Variants in KMT2C observed in about 807,000 individuals in gnomAD.
KMT2C encodes histone-lysine N-methyltransferase 2C.
Under a neutral mutation model 507.9 loss-of-function variants are expected in KMT2C, and 88 were observed. That is an observed-to-expected ratio of 0.17 (90% CI 0.15 to 0.21). KMT2C has a LOEUF of 0.21. Ranked by LOEUF, KMT2C falls within the 10% of genes least tolerant of loss-of-function variation. KMT2C has a pLI of 1.00. For synonymous variants in KMT2C, 2,049 were observed against 2,080.8 expected, an observed-to-expected ratio of 0.98 and a Z score of 0.42; for missense variants, 4,954 against 5,957.8, an observed-to-expected ratio of 0.83 and a Z score of 5.55.
intron 2 of KMT2C, among the ~76,000 whole-genome samples, chr7:152,352,155 T>C (rs1339131804): frequency 1.3e-5 from 2 of 152,100 alleles, no homozygotes; most frequent in East Asian, 3.9e-4. Flanking sequence ...CCCCCTTGGG[T>C]GCGGCTGTCT....
chr7:152,146,397 T>G (rs1203092580), intron 53 of KMT2C, among the ~76,000 whole-genome samples: 2 of 152,180 alleles, frequency 1.3e-5, no homozygotes, highest in Non-Finnish European at 2.9e-5. Context: ...CTGAAGTTGG[T>G]TAACTACCTC....
chr7:152,426,857 G>C (rs531540980), intron 1 of KMT2C, among the ~76,000 whole-genome samples: 69 of 152,298 alleles, frequency 4.5e-4, no homozygotes, highest in Middle Eastern at 3.4e-3. Context: ...ACCTAGACTT[G>C]AATCCAGAAG....
At position 152,248,349 on chromosome 7, in the gene KMT2C, T is replaced by C. The variant is rs1385129865; in HGVS notation, c.2085A>G (p.Pro695=). The change falls in exon 14 of 59, where the codon CCA becomes CCG. Residue 695 remains proline, a synonymous_variant. Transcript: ENST00000262189. The part of the protein sequence containing the change: ...PKLVMESVTL[P]LETLVSPHEE... ...CATGTGGGGACACTAAGGTTTCTAG[T>C]GGAAGAGTGACAGATTCCATGACTA... 1.2e-6 allele frequency: 2 copies of C among 1,613,848 alleles called. No homozygotes were observed. The highest frequency in any genetic ancestry group is 1.7e-6 in the Non-Finnish European group (2 of 1,179,908).
At chr7:152,412,633 CA>C (rs2097695420) in intron 1 of KMT2C, among the ~76,000 whole-genome samples, 1 of 152,032 alleles carries the variant, frequency 6.6e-6, no homozygotes, top group African/African-American at 2.4e-5. Flanking sequence ...CACCAAACAA[CA>C]GAAAAAGAAA....
intron 41 of KMT2C, 70 bp from the exon 42 acceptor site, chr7:152,167,448 A>G: frequency 9.5e-7 from 1 of 1,047,682 alleles, no homozygotes. Flanking sequence ...ACACAAATCT[A>G]TTTTGTAAGG....
intron 2 of KMT2C, among the ~76,000 whole-genome samples, chr7:152,334,054 G>T (rs2096909155): frequency 6.6e-6 from 1 of 151,922 alleles, no homozygotes; most frequent in African/African-American, 2.4e-5. Flanking sequence ...ATGTGTCACA[G>T]ATGAGAGAAA....
intron 1 of KMT2C, 140 bp from the exon 2 acceptor site, chr7:152,358,815 A>C: frequency 1.7e-6 from 1 of 580,080 alleles, no homozygotes; most frequent in Non-Finnish European, 3.0e-6. Flanking sequence ...TTACCATATC[A>C]AGTAGAAAAT....
chr7:152,398,762 C>T (rs2097552783), intron 1 of KMT2C, among the ~76,000 whole-genome samples: 1 of 152,126 alleles, frequency 6.6e-6, no homozygotes, highest in South Asian at 2.1e-4. Flanking sequence ...GTATTACATT[C>T]ATAACTTTTT....
At chr7:152,248,748 T>C (rs2095516696) in intron 13 of KMT2C, 128 bp from the exon 14 acceptor site, 3 of 609,214 alleles carry the variant, frequency 4.9e-6, no homozygotes, top group African/African-American at 1.9e-5. Context: ...CAGACAATTA[T>C]TAAGTGAATG....
chr7:152,152,079 A>G (rs562757051), intron 49 of KMT2C, among the ~76,000 whole-genome samples: 36 of 152,350 alleles, frequency 2.4e-4, no homozygotes, highest in Non-Finnish European at 4.9e-4. Context: ...GTGCAGTGTG[A>G]AGGCAAAAAG....
intron 6 of KMT2C, among the ~76,000 whole-genome samples, chr7:152,275,417 G>A (rs112230545): frequency 3.3e-5 from 5 of 152,090 alleles, no homozygotes; most frequent in Non-Finnish European, 5.9e-5. Flanking sequence ...GGTGGCGGGC[G>A]CCTGTAGTCC....
chr7:152,208,474 T>A (rs527855604), intron 23 of KMT2C, among the ~76,000 whole-genome samples: 54 of 152,356 alleles, frequency 3.5e-4, no homozygotes, highest in African/African-American at 1.3e-3. Flanking sequence ...CCTGCTAGAC[T>A]ATATTCTCCA....
At chr7:152,359,089 T>C (rs980320252) in intron 1 of KMT2C, among the ~76,000 whole-genome samples, 18 of 152,198 alleles carry the variant, frequency 1.2e-4, no homozygotes, top group South Asian at 4.1e-4. Flanking sequence ...TGACCAGATA[T>C]ATGTATTTTT....
rs1563767704 is a variant in KMT2C, at chr7:152,297,059, G to GAAAGAAAGAAAGAAAGAAAGAA, written c.849+12906_849+12907insTTCTTTCTTTCTTTCTTTCTTT. The stretch of plus-strand genomic sequence containing the variant: ...AAAGAAAGAAAGAAAGAAAGACAGA[G>GAAAGAAAGAAAGAAAGAAAGAA]AGAGAGAGAGAGAGAGAGAGAGAGA... On this transcript the variant is annotated intron_variant, in intron 6 of 58. Coordinates refer to ENST00000262189, the MANE Select transcript of KMT2C (RefSeq NM_170606.3). Among the ~76,000 whole-genome samples the GAAAGAAAGAAAGAAAGAAAGAA allele has an allele frequency of 4.4e-3, 282 of 64,412 alleles. 7 individuals are homozygous for GAAAGAAAGAAAGAAAGAAAGAA. Among genetic ancestry groups the GAAAGAAAGAAAGAAAGAAAGAA allele is most frequent in the African/African-American group, 0.015 (265 of 17,302 alleles). The allele number at this position is 64,412 out of a possible 152,430, so 42.3% of individuals were successfully genotyped here.
chr7:152,220,415 C>T (rs1291663754), intron 23 of KMT2C, 108 bp downstream of exon 23: 2 of 870,042 alleles, frequency 2.3e-6, no homozygotes, highest in African/African-American at 3.3e-5. Flanking sequence ...CAGGGGTTAA[C>T]TAAGTCAGTG....
At chr7:152,350,161 A>G (rs992794824) in intron 2 of KMT2C, among the ~76,000 whole-genome samples, 1 of 152,142 alleles carries the variant, frequency 6.6e-6, no homozygotes, top group Non-Finnish European at 1.5e-5. Context: ...GAGGCAGGAG[A>G]ATCGCTTGAA....
chr7:152,239,551 G>A (rs2095345894), intron 14 of KMT2C, among the ~76,000 whole-genome samples: 1 of 152,144 alleles, frequency 6.6e-6, no homozygotes, highest in African/African-American at 2.4e-5. Flanking sequence ...AATGCCTAAA[G>A]TACCTGATAA....
intron 16 of KMT2C, among the ~76,000 whole-genome samples, chr7:152,233,990 C>A (rs1482106096): frequency 6.6e-6 from 1 of 150,830 alleles, no homozygotes; most frequent in Non-Finnish European, 1.5e-5. Flanking sequence ...CAAAAATTAG[C>A]CAGGCATGTT....
intron 9 of KMT2C, among the ~76,000 whole-genome samples, chr7:152,253,421 T>C (rs2095593274): frequency 7.4e-6 from 1 of 135,226 alleles, no homozygotes; most frequent in African/African-American, 2.8e-5. Context: ...ATGCCAGTAA[T>C]CCCAGCACTT....
Sources: allele counts gnomAD v4.1 joint callset (sites outside exome capture counted in the v4.1 genomes callset), GRCh38; gene constraint gnomAD v4.1.1; transcripts MANE v1.5; gene names NCBI Gene and HGNC (gene_info 2026-07-23, HGNC 2026-07-21).